MCC: variants seen among roughly 807,000 people sequenced by gnomAD.
MCC encodes the protein MCC regulator of Wnt signaling pathway.
A neutral mutation model predicts 116.2 loss-of-function variants in MCC; 90 were observed. The ratio of observed to expected loss-of-function variants is 0.77; its 90% CI spans 0.65 to 0.92. MCC has a LOEUF of 0.92. MCC is among the 40% of genes least tolerant of loss of function. MCC has a pLI of 0.00. For synonymous variants in MCC, 578 were observed against 510.5 expected (o/e 1.13, Z -1.78); for missense variants, 1,516 against 1,312.2 (o/e 1.16, Z -2.40).
chr5:113,142,619 C>G (rs948098524), intron 5 of MCC, among the ~76,000 whole-genome samples: 4 of 147,232 alleles, frequency 2.7e-5, no homozygotes, highest in African/African-American at 9.7e-5. Flanking sequence ...TAAGCTCCAG[C>G]TTTTTCACCA....
At chr5:113,079,314 G>C (rs546248395) in intron 11 of MCC, among the ~76,000 whole-genome samples, 2 of 152,242 alleles carry the variant, frequency 1.3e-5, no homozygotes, top group East Asian at 3.9e-4. Flanking sequence ...CTACTTTAAA[G>C]TTCATATGGA....
chr5:113,025,011 G>A lies in MCC; in HGVS notation c.*2291C>T, dbSNP rs2150203064. 1 of 100,290 alleles carries A rather than the reference G, an allele frequency of 1.0e-5. No individual in the cohort carries two copies. Among genetic ancestry groups the A allele is most frequent in the African/African-American group, 4.3e-5 (1 of 23,524 alleles). The allele number at this position is 100,290 out of a possible 1,614,324, so 6.2% of individuals were successfully genotyped here. On this transcript the variant is annotated 3_prime_UTR_variant, in exon 19 of 19. Transcript: ENST00000408903. ...CTTAACAGGAGCTGGAGCCGCCTCT[G>A]CCTGGGGGAATTCTCAGAGAAGGGG...
At chr5:113,473,063 C>G (rs148947152) in intron 1 of MCC, among the ~76,000 whole-genome samples, 1 of 152,158 alleles carries the variant, frequency 6.6e-6, no homozygotes, top group Non-Finnish European at 1.5e-5. Context: ...TACCATAATA[C>G]AAGTTAGTAT....
chr5:113,461,349 C>G (rs1188251837), intron 1 of MCC, among the ~76,000 whole-genome samples: 2 of 152,148 alleles, frequency 1.3e-5, no homozygotes, highest in Admixed American at 1.3e-4. Flanking sequence ...TCAATAGATA[C>G]TATTAAGCTT....
intron 5 of MCC, among the ~76,000 whole-genome samples, chr5:113,135,255 G>C (rs1452214278): frequency 1.4e-5 from 2 of 146,426 alleles, no homozygotes; most frequent in African/African-American, 5.0e-5. Flanking sequence ...TACTTCTTTG[G>C]TTAAATTTAT....
At chr5:113,212,856 A>C (rs1763181678) in intron 3 of MCC, among the ~76,000 whole-genome samples, 1 of 152,162 alleles carries the variant, frequency 6.6e-6, no homozygotes, top group South Asian at 2.1e-4. Context: ...AAACAGACAA[A>C]AACAAAATCC....
chr5:113,264,097 A>T (rs1453485852), intron 3 of MCC, among the ~76,000 whole-genome samples: 2 of 152,184 alleles, frequency 1.3e-5, no homozygotes, highest in Admixed American at 6.5e-5. Context: ...ATTCCGAAAG[A>T]TATGATTTTT....
At chr5:113,130,747 G>C (rs376149382) in intron 5 of MCC, among the ~76,000 whole-genome samples, 1 of 152,042 alleles carries the variant, frequency 6.6e-6, no homozygotes, top group South Asian at 2.1e-4. Flanking sequence ...CTGCACAGCC[G>C]GCTCCCCTTC....
chr5:113,220,492 C>T (rs1161579733), intron 3 of MCC, among the ~76,000 whole-genome samples: 1 of 152,052 alleles, frequency 6.6e-6, no homozygotes, highest in Non-Finnish European at 1.5e-5. Flanking sequence ...TTATTTAGAT[C>T]ATTTCTTTTA....
chr5:113,382,744 TAAC>T (rs1769155207), intron 2 of MCC, among the ~76,000 whole-genome samples: 2 of 152,132 alleles, frequency 1.3e-5, no homozygotes, highest in South Asian at 4.1e-4. Flanking sequence ...TTCCCCCAAA[TAAC>T]AACTGCCCCC....
chr5:113,049,115 C>A lies in MCC; in HGVS notation c.2633G>T (p.Gly878Val). Residue 878 changes from glycine (G) to valine (V), a missense_variant, in exon 16 of 19, where the codon GGC (glycine) becomes GTC (valine). Physicochemically the swap from Gly to Val is moderately radical, Grantham distance 109. Coordinates refer to ENST00000408903, the MANE Select transcript of MCC (RefSeq NM_001085377.2). ...TACCTTGCCAGGTTTGTCTTTGCTG[C>A]CGCTGCTGGTGGAGCTGAGGGATCG... ...RMRSLSSTSSGSKDKPGKECA... is the reference protein window; with the variant it reads ...RMRSLSSTSSVSKDKPGKECA... The A allele has an allele frequency of 6.2e-7, 1 of 1,614,194 alleles. No homozygotes were observed. The highest frequency in any genetic ancestry group is 8.5e-7 in the Non-Finnish European group (1 of 1,180,018).
chr5:113,104,137 G>C (rs1756591398), intron 7 of MCC, 55 bp downstream of exon 7: 3 of 1,500,328 alleles, frequency 2.0e-6, no homozygotes, highest in African/African-American at 1.4e-5. Flanking sequence ...AGAAGGATTG[G>C]ACCATTTCCC....
chr5:113,466,026 T>G (rs1304243654), intron 1 of MCC, among the ~76,000 whole-genome samples: 1 of 151,784 alleles, frequency 6.6e-6, no homozygotes, highest in Non-Finnish European at 1.5e-5. Flanking sequence ...AACCTCTGCC[T>G]CTAGGGTTCA....
chr5:113,071,159 C>G lies in MCC; in HGVS notation c.1860G>C (p.Arg620Ser). 2.5e-6 allele frequency: 4 copies of G among 1,614,176 alleles called. No individual in the cohort carries two copies. The highest frequency in any genetic ancestry group is 3.4e-6 in the Non-Finnish European group (4 of 1,180,024). ...CGTATTTTCCCACCAGCATGCTCAT[C>G]CTCTCGGCATTGCTTTTACATTCCT... ...TLEECKSNAE[R>S]MSMLVGKYES... Residue 620 changes from arginine to serine, a missense_variant, in exon 12 of 19, where the codon AGG becomes AGC. By Grantham distance (110) the Arg-to-Ser change is moderately radical. Transcript: ENST00000408903.
intron 3 of MCC, among the ~76,000 whole-genome samples, chr5:113,178,006 C>G (rs1387915986): frequency 1.3e-5 from 2 of 152,178 alleles, no homozygotes; most frequent in Non-Finnish European, 2.9e-5. Flanking sequence ...TGCAAGAACA[C>G]ATACTTGGAA....
rs144461691 is a variant in MCC, at chr5:113,161,992, G to A, written c.628-10570C>T. ...GCTGCTGACGGATGGGCCATTTACC[G>A]TTTGCTGGTACATCTAATCCAAAGC... On this transcript the variant is annotated intron_variant, in intron 3 of 18. Coordinates refer to ENST00000408903, the MANE Select transcript of MCC (RefSeq NM_001085377.2). Among the ~76,000 whole-genome samples, 218 of 152,264 alleles carry A rather than the reference G, an allele frequency of 1.4e-3. 4 individuals are homozygous for A. Among genetic ancestry groups the A allele is most frequent in the African/African-American group, 4.4e-3 (181 of 41,556 alleles).
intron 2 of MCC, among the ~76,000 whole-genome samples, chr5:113,362,197 G>A (rs1768565838): frequency 6.6e-6 from 1 of 152,030 alleles, no homozygotes; most frequent in East Asian, 1.9e-4. Context: ...GTCTTGTTCT[G>A]TTACCCAGCT....
chr5:113,090,455 T>C (rs991002701), intron 8 of MCC, among the ~76,000 whole-genome samples: 1 of 151,606 alleles, frequency 6.6e-6, no homozygotes. Context: ...CTTCCAACTC[T>C]AGAGACCTCA....
chr5:113,349,992 A>G (rs562058299), intron 2 of MCC, among the ~76,000 whole-genome samples: 10 of 152,202 alleles, frequency 6.6e-5, no homozygotes, highest in Admixed American at 4.6e-4. Context: ...TGAAGAAGTA[A>G]AAGATATCTA....
Sources: gnomAD v4.1 joint callset for allele counts (sites outside exome capture counted in the v4.1 genomes callset) on GRCh38, gnomAD v4.1.1 for gene constraint, MANE v1.5 for transcripts, NCBI Gene and HGNC (gene_info 2026-07-23, HGNC 2026-07-21) for gene names.